Variants in CNTNAP2 observed in about 807,000 individuals in gnomAD.
CNTNAP2 encodes the protein contactin-associated protein-like 2.
Under a neutral mutation model 155.2 loss-of-function variants are expected in CNTNAP2, and 98 were observed. The ratio of observed to expected loss-of-function variants is 0.63; its 90% CI spans 0.54 to 0.75. CNTNAP2 has a LOEUF of 0.75. Ranked by LOEUF, CNTNAP2 falls within the 30% of genes least tolerant of loss-of-function variation. CNTNAP2 has a pLI of 0.00. For synonymous variants in CNTNAP2, 651 were observed against 631.2 expected, an observed-to-expected ratio of 1.03 and a Z score of -0.47; for missense variants, 1,727 against 1,688.1, an observed-to-expected ratio of 1.02 and a Z score of -0.40.
At chr7:146,207,030 C>T (rs528445834) in intron 1 of CNTNAP2, among the ~76,000 whole-genome samples, 17 of 152,040 alleles carry the variant, frequency 1.1e-4, no homozygotes, top group Non-Finnish European at 1.9e-4. Flanking sequence ...TCTCAAAAAA[C>T]AACATTGGCC....
chr7:148,365,712 A>ATG (rs1798727222), intron 21 of CNTNAP2, among the ~76,000 whole-genome samples: 1 of 97,916 alleles, frequency 1.0e-5, no homozygotes, highest in African/African-American at 3.2e-5. Flanking sequence ...ACTTTTATAT[A>ATG]TATGTATACG....
chr7:146,716,661 G>T (rs759325520), intron 1 of CNTNAP2, among the ~76,000 whole-genome samples: 3 of 152,154 alleles, frequency 2.0e-5, no homozygotes, highest in Non-Finnish European at 4.4e-5. Flanking sequence ...ACAAGTAACT[G>T]AATGTCTCCA....
At chr7:148,129,346 C>T (rs925932512) in intron 16 of CNTNAP2, among the ~76,000 whole-genome samples, 1 of 152,006 alleles carries the variant, frequency 6.6e-6, no homozygotes, top group African/African-American at 2.4e-5. Flanking sequence ...ATGCGATGCT[C>T]GAAAATAACC....
intron 1 of CNTNAP2, among the ~76,000 whole-genome samples, chr7:146,716,455 C>T (rs536640651): frequency 1.3e-5 from 2 of 152,256 alleles, no homozygotes; most frequent in South Asian, 4.1e-4. Context: ...TTTAAATTGT[C>T]CCCAAAGTGT....
At chr7:147,691,615 T>C (rs574665584) in intron 13 of CNTNAP2, among the ~76,000 whole-genome samples, 3 of 152,238 alleles carry the variant, frequency 2.0e-5, no homozygotes, top group African/African-American at 7.2e-5. Flanking sequence ...ACATTTGCGG[T>C]GTCAAGAGCA....
chr7:146,538,259 C>A (rs1021473807), intron 1 of CNTNAP2, among the ~76,000 whole-genome samples: 4 of 152,086 alleles, frequency 2.6e-5, no homozygotes, highest in African/African-American at 9.7e-5. Flanking sequence ...CCATGACAAA[C>A]AACCTCAAGT....
At chr7:146,721,875 G>GTGTGTGTATATA (rs1332551916) in intron 1 of CNTNAP2, among the ~76,000 whole-genome samples, 1 of 76,702 alleles carries the variant, frequency 1.3e-5, no homozygotes, top group African/African-American at 1.8e-4. Flanking sequence ...GTGTGTGTGT[G>GTGTGTGTATATA]TATATATATA....
intron 21 of CNTNAP2, among the ~76,000 whole-genome samples, chr7:148,330,736 T>C (rs1251395119): frequency 4.3e-4 from 56 of 130,648 alleles, no homozygotes; most frequent in Non-Finnish European, 6.0e-4. Context: ...AATGGATGGA[T>C]GGATGGATGG....
chr7:146,849,425 A>G (rs1458739804), intron 3 of CNTNAP2, among the ~76,000 whole-genome samples: 1 of 152,226 alleles, frequency 6.6e-6, no homozygotes, highest in Non-Finnish European at 1.5e-5. Context: ...AAGAAGTTCC[A>G]TTACTATAAT....
At position 147,166,167 on chromosome 7, in the gene CNTNAP2, GAGAT is replaced by G. The variant is rs74539860; in HGVS notation, c.1348+33677_1348+33680del. ...ATCAATGAGTGTGTAAAGAAATTAT[GAGAT>G]AGATAGATAGATAGATAGGTATGGA... On this transcript the variant is annotated intron_variant, in intron 8 of 23. Coordinates refer to ENST00000361727, the MANE Select transcript of CNTNAP2 (RefSeq NM_014141.6). Among the ~76,000 whole-genome samples the G allele has an allele frequency of 1.1e-3, 169 of 152,076 alleles. 1 individual carries two copies. In the South Asian group the frequency reaches 0.015, roughly 14 times the overall value.
chr7:146,965,985 A>G (rs1797650516), intron 3 of CNTNAP2, among the ~76,000 whole-genome samples: 1 of 152,268 alleles, frequency 6.6e-6, no homozygotes, highest in South Asian at 2.1e-4. Context: ...TGACTCTCTC[A>G]TGTTCTGCTT....
chr7:146,805,995 G>A (rs1802960588), intron 2 of CNTNAP2, among the ~76,000 whole-genome samples: 2 of 152,262 alleles, frequency 1.3e-5, no homozygotes, highest in East Asian at 1.9e-4. Context: ...GTCGACACAA[G>A]ATAGGTCAAT....
At chr7:146,308,274 T>C (rs1344053158) in intron 1 of CNTNAP2, among the ~76,000 whole-genome samples, 1 of 152,002 alleles carries the variant, frequency 6.6e-6, no homozygotes, top group Non-Finnish European at 1.5e-5. Context: ...AAAAACACAA[T>C]GAGATACCAT....
intron 1 of CNTNAP2, among the ~76,000 whole-genome samples, chr7:146,457,262 T>C (rs1796567847): frequency 6.6e-6 from 1 of 151,736 alleles, no homozygotes; most frequent in Non-Finnish European, 1.5e-5. Flanking sequence ...GTGATCTTTA[T>C]AGAAAGTGAT....
In CNTNAP2 at chr7:148,395,229, T is replaced by C. The variant is rs117064464; in HGVS notation, c.3715+11341T>C. Among the ~76,000 whole-genome samples, 714 of 151,774 alleles carry C rather than the reference T, an allele frequency of 4.7e-3. 3 individuals carry two copies. Among genetic ancestry groups the C allele is most frequent in the Non-Finnish European group, 7.9e-3 (539 of 67,936 alleles). ...TTGTTTTCTTTCTACTGTCGTGTCT[T>C]CTTTAAATTTATATTTGCTGGCCTC... On this transcript the variant is annotated intron_variant, in intron 22 of 23. Transcript: ENST00000361727.
intron 21 of CNTNAP2, among the ~76,000 whole-genome samples, chr7:148,316,042 T>C (rs994475308): frequency 6.6e-6 from 1 of 151,934 alleles, no homozygotes; most frequent in African/African-American, 2.4e-5. Context: ...TCAAAGAGAA[T>C]ATTCATTGTT....
Position 147,069,522 on chromosome 7 carries a change from T to C in CNTNAP2, c.550+25468T>C, listed in dbSNP as rs1799848377. 2.0e-5 allele frequency among the ~76,000 whole-genome samples: 3 copies of C among 152,190 alleles called. No individual in the cohort carries two copies. In the South Asian group the frequency reaches 6.2e-4, roughly 31 times the overall value. On this transcript the variant is annotated intron_variant, in intron 4 of 23. Coordinates refer to ENST00000361727, the MANE Select transcript of CNTNAP2 (RefSeq NM_014141.6). ...ATTTACTTTTTATTTTCTAATAAATTCTATTCACGGAGAACAAACAGTATG... is the reference window on the plus strand; with the variant it reads ...ATTTACTTTTTATTTTCTAATAAATCCTATTCACGGAGAACAAACAGTATG...
chr7:147,797,726 C>A (rs10266920), intron 13 of CNTNAP2, among the ~76,000 whole-genome samples: 1 of 151,990 alleles, frequency 6.6e-6, no homozygotes, highest in Admixed American at 6.6e-5. Flanking sequence ...TGAGAAATAT[C>A]TTTTGTGTGA....
intron 1 of CNTNAP2, among the ~76,000 whole-genome samples, chr7:146,457,664 C>T (rs1224891879): frequency 8.0e-5 from 12 of 150,186 alleles, no homozygotes; most frequent in East Asian, 2.0e-4. Context: ...CCACCATGCC[C>T]GGTTAATTTT....
Sources: gnomAD v4.1 joint callset for allele counts (sites outside exome capture counted in the v4.1 genomes callset) on GRCh38, gnomAD v4.1.1 for gene constraint, MANE v1.5 for transcripts, NCBI Gene and HGNC (gene_info 2026-07-23, HGNC 2026-07-21) for gene names.